RABGAP1L: variants seen among roughly 807,000 people sequenced by gnomAD.
RABGAP1L encodes the protein RAB GTPase activating protein 1 like.
RABGAP1L carries 63 observed loss-of-function variants against 137.7 expected under a neutral mutation model. The observed-to-expected ratio is 0.46, with a 90% confidence interval of 0.37 to 0.56. The LOEUF is 0.56. Among genes scored for constraint, RABGAP1L ranks in the 20% least tolerant of loss-of-function variants. RABGAP1L has a pLI of 0.00. For missense variants in RABGAP1L, 1,095 were observed against 1,244.0 expected (o/e 0.88, Z 1.80); for synonymous variants, 431 against 433.7 (o/e 0.99, Z 0.08).
At chr1:174,711,267 A>G (rs1423080435) in intron 17 of RABGAP1L, among the ~76,000 whole-genome samples, 1 of 151,806 alleles carries the variant, frequency 6.6e-6, no homozygotes, top group African/African-American at 2.4e-5. Flanking sequence ...AGCCTTGGCC[A>G]GCCCAGGAAG....
In RABGAP1L at chr1:174,252,596, C is replaced by A; in HGVS notation, c.986+6C>A. ...AAAGAATTAGCTATTGAAAGGTAAG[C>A]AGCTTGCTCCTAAATGCTACCAAAA... On this transcript the variant is annotated splice_donor_region_variant and intron_variant, in intron 7 of 25. Transcript: ENST00000681986. 1 of 1,607,606 alleles carries A rather than the reference C, an allele frequency of 6.2e-7. No homozygotes were observed. Among genetic ancestry groups the A allele is most frequent in the East Asian group, 2.2e-5 (1 of 44,478 alleles).
chr1:174,271,179 C>T (rs1263767089), intron 7 of RABGAP1L, among the ~76,000 whole-genome samples: 1 of 151,998 alleles, frequency 6.6e-6, no homozygotes, highest in African/African-American at 2.4e-5. Flanking sequence ...TCAGAGCTTA[C>T]CAACTTTAGC....
At chr1:174,347,323 C>G (rs150911785) in intron 11 of RABGAP1L, among the ~76,000 whole-genome samples, 1 of 152,224 alleles carries the variant, frequency 6.6e-6, no homozygotes, top group East Asian at 1.9e-4. Flanking sequence ...GTTGAAGTCT[C>G]TAGCTATTGC....
Position 174,637,334 on chromosome 1 carries a change from G to T in RABGAP1L, c.1711-41G>T, listed in dbSNP as rs371584808. On this transcript the variant is annotated intron_variant, in intron 13 of 25. Coordinates refer to ENST00000681986, the MANE Select transcript of RABGAP1L (RefSeq NM_001366446.1). ...TGTATATATTATATTTCATAACTGG[G>T]AAAAAATTTAATAACCAGGTCTATT... 7.1e-4 allele frequency: 994 copies of T among 1,398,914 alleles called. 3 individuals carry two copies. Among genetic ancestry groups the T allele is most frequent in the Non-Finnish European group, 6.5e-4 (650 of 996,222 alleles). The allele number at this position is 1,398,914 out of a possible 1,614,324, so 86.7% of individuals were successfully genotyped here. A position where few individuals can be genotyped will look rare whatever the true frequency, so the allele number is the denominator to read the frequency against.
intron 7 of RABGAP1L, among the ~76,000 whole-genome samples, chr1:174,262,610 C>A (rs1184562652): frequency 6.6e-6 from 1 of 152,202 alleles, no homozygotes; most frequent in Non-Finnish European, 1.5e-5. Context: ...AATTTGCAGA[C>A]CTCTATTGCA....
chr1:174,512,035 T>TG (rs939073512), intron 13 of RABGAP1L, among the ~76,000 whole-genome samples: 4 of 152,218 alleles, frequency 2.6e-5, no homozygotes, highest in Non-Finnish European at 4.4e-5. Flanking sequence ...TACATATTCA[T>TG]GGGGGTACAT....
chr1:174,612,317 G>A (rs1038746156), intron 13 of RABGAP1L, among the ~76,000 whole-genome samples: 2 of 152,196 alleles, frequency 1.3e-5, no homozygotes, highest in African/African-American at 4.8e-5. Context: ...AGATAATCAT[G>A]TGATTTTTAT....
At chr1:174,955,325 TGA>T (rs1327070031) in intron 19 of RABGAP1L, among the ~76,000 whole-genome samples, 1 of 152,222 alleles carries the variant, frequency 6.6e-6, no homozygotes, top group Non-Finnish European at 1.5e-5. Context: ...AGGTTTGGAC[TGA>T]GTTTGTGAAA....
intron 1 of RABGAP1L, among the ~76,000 whole-genome samples, chr1:174,177,997 G>T (rs1265304867): frequency 2.0e-5 from 3 of 152,160 alleles, no homozygotes; most frequent in African/African-American, 7.2e-5. Flanking sequence ...ATTTAAAGTA[G>T]TTTTTTCTAA....
Position 174,797,080 on chromosome 1 carries a change from A to G in RABGAP1L, c.2212-14752A>G, listed in dbSNP as rs867157547. Among the ~76,000 whole-genome samples the G allele has an allele frequency of 2.4e-4, 36 of 152,312 alleles. No individual in the cohort carries two copies. The Middle Eastern group carries it at 0.01, about 43-fold the overall frequency. ...ATGATTTTAACTTCTTTTTGTGAGC[A>G]TCAGAGCCAAACCATACAGTTCCAA... On this transcript the variant is annotated intron_variant, in intron 18 of 25. Coordinates refer to ENST00000681986, the MANE Select transcript of RABGAP1L (RefSeq NM_001366446.1).
chr1:174,493,232 C>T (rs1325032384), intron 13 of RABGAP1L, among the ~76,000 whole-genome samples: 3 of 149,658 alleles, frequency 2.0e-5, no homozygotes, highest in African/African-American at 7.4e-5. Flanking sequence ...TGTGTTGGTA[C>T]ATGCCTGTAG....
intron 11 of RABGAP1L, among the ~76,000 whole-genome samples, chr1:174,349,902 T>C (rs1486399423): frequency 1.1e-4 from 10 of 89,376 alleles, no homozygotes; most frequent in African/African-American, 2.5e-4. Flanking sequence ...GCTGGCCAGG[T>C]GGGGGGCTGA....
chr1:174,341,502 T>C (rs963884083), intron 11 of RABGAP1L, among the ~76,000 whole-genome samples: 6 of 152,316 alleles, frequency 3.9e-5, no homozygotes, highest in African/African-American at 1.2e-4. Flanking sequence ...GTTTAACAAC[T>C]TGGATGAAAA....
intron 13 of RABGAP1L, among the ~76,000 whole-genome samples, chr1:174,588,190 G>T (rs551722042): frequency 6.6e-6 from 1 of 150,406 alleles, no homozygotes; most frequent in African/African-American, 2.4e-5. Context: ...TTTAGAGACA[G>T]TCTTGCTCTG....
At chr1:174,494,697 TTTCTCTC>T (rs1660582246) in intron 13 of RABGAP1L, among the ~76,000 whole-genome samples, 1 of 152,158 alleles carries the variant, frequency 6.6e-6, no homozygotes, top group African/African-American at 2.4e-5. Context: ...TTAAACCACT[TTTCTCTC>T]ATCTTCTTAT....
intron 14 of RABGAP1L, among the ~76,000 whole-genome samples, chr1:174,646,052 GTTGT>G (rs556055792): frequency 0.01 from 1,596 of 152,126 alleles, 29 homozygotes; most frequent in African/African-American, 0.035. Context: ...TTTTGATGGG[GTTGT>G]TTGTTTTTTT....
At chr1:174,936,827 T>C (rs1664873263) in intron 19 of RABGAP1L, among the ~76,000 whole-genome samples, 1 of 152,174 alleles carries the variant, frequency 6.6e-6, no homozygotes, top group African/African-American at 2.4e-5. Flanking sequence ...CTTTTTTTAA[T>C]TATTAATTTG....
At chr1:174,510,688 C>T (rs1037054943) in intron 13 of RABGAP1L, among the ~76,000 whole-genome samples, 1 of 152,008 alleles carries the variant, frequency 6.6e-6, no homozygotes, top group Non-Finnish European at 1.5e-5. Context: ...GAACAAAACC[C>T]CACTCAAAGG....
At chr1:174,344,744 T>C (rs1682288474) in intron 11 of RABGAP1L, among the ~76,000 whole-genome samples, 1 of 152,206 alleles carries the variant, frequency 6.6e-6, no homozygotes, top group African/African-American at 2.4e-5. Flanking sequence ...GGAAAATATG[T>C]ATGAAACACT....
Sources: allele counts gnomAD v4.1 joint callset (sites outside exome capture counted in the v4.1 genomes callset), GRCh38; gene constraint gnomAD v4.1.1; transcripts MANE v1.5; gene names NCBI Gene and HGNC (gene_info 2026-07-23, HGNC 2026-07-21).